Variants in SENP2 observed in about 807,000 individuals in gnomAD.
The protein encoded by SENP2 is sentrin-specific protease 2.
In SENP2, 16 loss-of-function variants were observed where a neutral mutation model predicts 86.3. The ratio of observed to expected loss-of-function variants is 0.19; its 90% CI spans 0.13 to 0.28. SENP2 has a LOEUF of 0.28. Ranked by LOEUF, SENP2 falls within the 10% of genes least tolerant of loss-of-function variation. The pLI, the probability that SENP2 is intolerant of heterozygous loss-of-function variation, is 1.00. For missense variants in SENP2, 552 were observed against 703.0 expected, an observed-to-expected ratio of 0.79 and a Z score of 2.43; for synonymous variants, 222 against 238.7, an observed-to-expected ratio of 0.93 and a Z score of 0.64.
At chr3:185,588,334 C>T (rs917013801) in intron 1 of SENP2, among the ~76,000 whole-genome samples, 1 of 150,540 alleles carries the variant, frequency 6.6e-6, no homozygotes, top group Non-Finnish European at 1.5e-5. Context: ...CGTGAGCCAC[C>T]GCGCCCGGCC....
At position 185,592,915 on chromosome 3, in the gene SENP2, C is replaced by T. The variant is rs1577717845; in HGVS notation, c.157+2746C>T. ...TACAGGCGTGAGCCACCGTGCCCGGCCTGGGTCTCCATTTTTAAGGACCTT... is the reference window on the plus strand; with the variant it reads ...TACAGGCGTGAGCCACCGTGCCCGGTCTGGGTCTCCATTTTTAAGGACCTT... On this transcript the variant is annotated intron_variant, in intron 2 of 16. Coordinates refer to ENST00000296257, the MANE Select transcript of SENP2 (RefSeq NM_021627.3). Among the ~76,000 whole-genome samples, 4 of 152,256 alleles carry T rather than the reference C, an allele frequency of 2.6e-5. No individual in the cohort carries two copies. The East Asian group carries it at 7.7e-4, about 29-fold the overall frequency.
intron 5 of SENP2, among the ~76,000 whole-genome samples, chr3:185,605,367 G>A (rs1159915099): frequency 6.0e-5 from 9 of 150,134 alleles, no homozygotes; most frequent in African/African-American, 9.8e-5. Context: ...GTGAAACTTC[G>A]TCGAAAAAAA....
intron 16 of SENP2, among the ~76,000 whole-genome samples, chr3:185,628,589 C>T (rs1004875287): frequency 1.8e-4 from 27 of 152,188 alleles, no homozygotes; most frequent in Admixed American, 5.2e-4. Flanking sequence ...TCACTGCAAC[C>T]TCCGCCTCCC....
At chr3:185,601,289 C>G (rs1200709309) in intron 5 of SENP2, among the ~76,000 whole-genome samples, 2 of 152,060 alleles carry the variant, frequency 1.3e-5, no homozygotes, top group Non-Finnish European at 2.9e-5. Flanking sequence ...AGGTAATCCA[C>G]CCACCTTGGC....
chr3:185,611,783 C>A, intron 8 of SENP2, 38 bp downstream of exon 8: 1 of 1,401,088 alleles, frequency 7.1e-7, no homozygotes, highest in Non-Finnish European at 1.0e-6. Flanking sequence ...AATATATTGA[C>A]CTTAGTTCAT....
chr3:185,592,007 A>ATT (rs1261238822), intron 2 of SENP2, among the ~76,000 whole-genome samples: 1 of 35,080 alleles, frequency 2.9e-5, no homozygotes, highest in South Asian at 8.1e-4. Context: ...AACCGGTAAT[A>ATT]TTTCTTTTTT....
intron 2 of SENP2, among the ~76,000 whole-genome samples, chr3:185,592,101 A>C (rs1722028321): frequency 1.8e-5 from 2 of 114,246 alleles, no homozygotes; most frequent in Admixed American, 2.2e-4. Context: ...TGTAAGAGGC[A>C]AGGGTATCAC....
intron 10 of SENP2, 49 bp from the exon 11 acceptor site, chr3:185,614,515 T>C: frequency 6.6e-7 from 1 of 1,505,874 alleles, no homozygotes; most frequent in Non-Finnish European, 9.0e-7. Context: ...TGTGTTTATA[T>C]TTGCAAGTAT....
At position 185,586,629 on chromosome 3, in the gene SENP2, C is replaced by A; in HGVS notation, c.101+115C>A. ...CTCACCCGAAACAGGTCGCCGGGATCCTAGTGACGTAGTCGCTCCCGCCAG... is the reference window on the plus strand; with the variant it reads ...CTCACCCGAAACAGGTCGCCGGGATACTAGTGACGTAGTCGCTCCCGCCAG... On this transcript the variant is annotated intron_variant, in intron 1 of 16. Transcript: ENST00000296257. The surrounding 1 kb of genome is among the most constrained non-coding windows in gnomAD (Gnocchi z 4.3). 1.0e-6 allele frequency: 1 copy of A among 959,664 alleles called. No homozygotes were observed. The highest frequency in any genetic ancestry group is 2.2e-5 in the Admixed American group (1 of 45,476). 59.4% of individuals were successfully genotyped at this position (959,664 alleles called of 1,614,324 possible).
At chr3:185,598,682 T>A (rs1722252714) in intron 3 of SENP2, 137 bp downstream of exon 3, 1 of 887,538 alleles carries the variant, frequency 1.1e-6, no homozygotes. Context: ...AGCTGTGCTA[T>A]AAAGGCCAAG....
At chr3:185,592,370 A>G (rs1312945705) in intron 2 of SENP2, among the ~76,000 whole-genome samples, 1 of 152,080 alleles carries the variant, frequency 6.6e-6, no homozygotes, top group Non-Finnish European at 1.5e-5. Context: ...TTACTTCAGT[A>G]TATCTGAATG....
chr3:185,600,753 T>A lies in SENP2; in HGVS notation c.359-12T>A. 3 of 1,541,466 alleles carry A rather than the reference T, an allele frequency of 1.9e-6. No homozygotes were observed. Among genetic ancestry groups the A allele is most frequent in the Non-Finnish European group, 1.8e-6 (2 of 1,119,632 alleles). ...TTTTCATTTTACAATTACAAATGCA[T>A]TTTTTAAATAGGTAATAAATCTCCT... On this transcript the variant is annotated splice_polypyrimidine_tract_variant and intron_variant, in intron 4 of 16. Coordinates refer to ENST00000296257, the MANE Select transcript of SENP2 (RefSeq NM_021627.3).
chr3:185,618,599 C>T (rs1402214124), intron 12 of SENP2, among the ~76,000 whole-genome samples: 1 of 152,176 alleles, frequency 6.6e-6, no homozygotes, highest in Non-Finnish European at 1.5e-5. Context: ...CACCACTCGG[C>T]CGGGCGCGGT....
intron 10 of SENP2, among the ~76,000 whole-genome samples, chr3:185,614,253 C>T (rs1711516287): frequency 6.6e-6 from 1 of 152,124 alleles, no homozygotes; most frequent in Non-Finnish European, 1.5e-5. Flanking sequence ...TTAAAACTTT[C>T]ATAATATCTT....
intron 12 of SENP2, among the ~76,000 whole-genome samples, chr3:185,618,824 A>G (rs901515746): frequency 6.6e-6 from 1 of 152,302 alleles, no homozygotes; most frequent in Middle Eastern, 3.4e-3. Context: ...GCTTGCAGTG[A>G]GCCGAGATCA....
At chr3:185,610,698 C>T (rs1722658577) in intron 7 of SENP2, among the ~76,000 whole-genome samples, 1 of 152,176 alleles carries the variant, frequency 6.6e-6, no homozygotes, top group African/African-American at 2.4e-5. Flanking sequence ...TGGCTCACAC[C>T]TGTAATCCCA....
intron 10 of SENP2, 78 bp downstream of exon 10, chr3:185,613,486 A>G (rs1722761740): frequency 1.2e-6 from 1 of 868,038 alleles, no homozygotes; most frequent in East Asian, 2.5e-5. Context: ...AAAGCAAGAA[A>G]AAGTATATAT....
At chr3:185,628,510 TTC>T (rs1491393064) in intron 16 of SENP2, among the ~76,000 whole-genome samples, 3 of 152,008 alleles carry the variant, frequency 2.0e-5, no homozygotes, top group African/African-American at 7.3e-5. Flanking sequence ...TAATGTGAAC[TTC>T]TTTTTTTGTT....
At chr3:185,623,826 C>CAAAAAA (rs63707460) in intron 14 of SENP2, among the ~76,000 whole-genome samples, 172 bp from the exon 15 acceptor site, 505 of 47,688 alleles carry the variant, frequency 0.011, 34 homozygotes, top group Non-Finnish European at 0.011. Context: ...GACTCTGTCT[C>CAAAAAA]AAAAAAAAAA....
Sources: allele counts gnomAD v4.1 joint callset (sites outside exome capture counted in the v4.1 genomes callset), GRCh38; gene constraint gnomAD v4.1.1; non-coding constraint Gnocchi (gnomAD v3.1); transcripts MANE v1.5; gene names NCBI Gene and HGNC (gene_info 2026-07-23, HGNC 2026-07-21).